Variants in BNIPL observed in about 807,000 individuals in gnomAD.
The protein encoded by BNIPL is BCL2 interacting protein like.
In BNIPL, 33 loss-of-function variants were observed where a neutral mutation model predicts 47.0. That is an observed-to-expected ratio of 0.70 (90% CI 0.53 to 0.94). The LOEUF (loss-of-function observed/expected upper bound fraction) is 0.94, where lower values mean the gene tolerates loss of function less well. Among genes scored for constraint, BNIPL ranks in the 40% least tolerant of loss-of-function variants. The pLI is 0.00. For synonymous variants in BNIPL, 145 were observed against 162.7 expected, an observed-to-expected ratio of 0.89 and a Z score of 0.83; for missense variants, 404 against 445.2, an observed-to-expected ratio of 0.91 and a Z score of 0.83.
At chr1:151,039,494 C>A (rs1675746472) in intron 4 of BNIPL, among the ~76,000 whole-genome samples, 1 of 152,060 alleles carries the variant, frequency 6.6e-6, no homozygotes. Flanking sequence ...AAAACTGAAG[C>A]TGACATTTAT....
In BNIPL at chr1:151,046,644, C is replaced by G. The variant is rs587702868; in HGVS notation, c.1038-7C>G. On this transcript the variant is annotated splice_polypyrimidine_tract_variant and splice_region_variant and intron_variant, in intron 9 of 9. Transcript: ENST00000368931. The stretch of plus-strand genomic sequence containing the variant: ...CCACTTCTCTCCTCCCCCTCTCCCT[C>G]TCCTAGGCTGGACCGGGATCTCCAT... The G allele has an allele frequency of 1.9e-6, 3 of 1,601,832 alleles. No individual in the cohort carries two copies. In the African/African-American group the frequency reaches 4.2e-5, roughly 23 times the overall value.
At chr1:151,044,212 T>C (rs942815572) in intron 7 of BNIPL, among the ~76,000 whole-genome samples, 5 of 152,198 alleles carry the variant, frequency 3.3e-5, no homozygotes, top group African/African-American at 1.2e-4. Flanking sequence ...CTCAAACTCC[T>C]GAGCTCAAGT....
intron 7 of BNIPL, among the ~76,000 whole-genome samples, chr1:151,044,328 G>C (rs936813726): frequency 2.6e-5 from 4 of 152,166 alleles, no homozygotes; most frequent in Non-Finnish European, 5.9e-5. Context: ...TTATACTTTT[G>C]CCACTGGGTA....
At chr1:151,041,479 G>A (rs587759581) in intron 4 of BNIPL, among the ~76,000 whole-genome samples, 1 of 152,252 alleles carries the variant, frequency 6.6e-6, no homozygotes, top group African/African-American at 2.4e-5. Flanking sequence ...TGTACCCATA[G>A]CCCTAGCTAC....
At position 151,037,634 on chromosome 1, in the gene BNIPL, G is replaced by A. The variant is rs1173647624; in HGVS notation, c.109G>A (p.Glu37Lys). The change falls in exon 2 of 10, where the codon GAG becomes AAG. Residue 37 changes from glutamate (E) to lysine (K), a missense_variant. Transcript: ENST00000368931. ...ALRHGELELKEEWQDEEFPRL... is the reference protein window; with the variant it reads ...ALRHGELELKKEWQDEEFPRL... ...GAGACATGGGGAGTTGGAGCTGAAG[G>A]AGGAATGGCAGGATGAAGAATTCCC... 10 of 1,604,240 alleles carry A rather than the reference G, an allele frequency of 6.2e-6. No homozygotes were observed. Among genetic ancestry groups the A allele is most frequent in the South Asian group, 5.6e-5 (5 of 89,176 alleles).
At position 151,047,569 on chromosome 1, in the gene BNIPL, C is replaced by A; in HGVS notation, c.*882C>A. On this transcript the variant is annotated 3_prime_UTR_variant, in exon 10 of 10. Transcript: ENST00000368931. ...ATTTAGAACTGTAGAGGCTAATAAA[C>A]TGCGATGAGACATTTAAGCTCTGCT... The A allele has an allele frequency of 2.1e-6, 1 of 482,006 alleles. No individual in the cohort carries two copies. 29.9% of individuals were successfully genotyped at this position (482,006 alleles called of 1,614,324 possible). A position where few individuals can be genotyped will look rare whatever the true frequency, so the allele number is the denominator to read the frequency against.
intron 4 of BNIPL, among the ~76,000 whole-genome samples, chr1:151,040,623 C>T (rs151070704): frequency 0.05 from 7,528 of 151,204 alleles, 236 homozygotes; most frequent in South Asian, 0.11. Context: ...TGGAGAAAGC[C>T]CATCTCTACT....
At chr1:151,042,499 C>T (rs746052177) in intron 4 of BNIPL, among the ~76,000 whole-genome samples, 5 of 151,976 alleles carry the variant, frequency 3.3e-5, no homozygotes, top group Admixed American at 6.6e-5. Context: ...TTTAGGGATA[C>T]GGCTAGAGTC....
At position 151,044,435 on chromosome 1, in the gene BNIPL, A is replaced by G. The variant is rs587714098; in HGVS notation, c.851+708A>G. Among the ~76,000 whole-genome samples, 3 of 152,152 alleles carry G rather than the reference A, an allele frequency of 2.0e-5. No individual in the cohort carries two copies. The South Asian group carries it at 6.2e-4, about 32-fold the overall frequency. ...CATTTATTTCCCTTTCCACACCTCC[A>G]TTATCTTCTTCTCTGCCTTCATCAC... On this transcript the variant is annotated intron_variant, in intron 7 of 9. Transcript: ENST00000368931.
In BNIPL at chr1:151,036,627, C is replaced by G. The variant is rs1675604879; in HGVS notation, c.-99C>G. On this transcript the variant is annotated 5_prime_UTR_variant, in exon 1 of 10. Transcript: ENST00000368931. ...TCCTTGGAGGCAAGAGCTACAACAG[C>G]TGAGACAGAAAAGAGGTAAGGAAGT... 2.6e-6 allele frequency: 3 copies of G among 1,140,162 alleles called. No individual in the cohort carries two copies. The South Asian group carries it at 3.7e-5, about 14-fold the overall frequency. 70.6% of individuals were successfully genotyped at this position (1,140,162 alleles called of 1,614,324 possible). A position where few individuals can be genotyped will look rare whatever the true frequency, so the allele number is the denominator to read the frequency against.
Position 151,045,758 on chromosome 1 carries a change from G to A in BNIPL, c.852-39G>A, listed in dbSNP as rs376317059. ...TTCCACGTGATCTTCACACATAAAGGTGGAAGAAGAAATAGGATGATCTCA... is the reference window on the plus strand; with the variant it reads ...TTCCACGTGATCTTCACACATAAAGATGGAAGAAGAAATAGGATGATCTCA... On this transcript the variant is annotated intron_variant, in intron 7 of 9. Transcript: ENST00000368931. The A allele has an allele frequency of 3.1e-6, 5 of 1,613,782 alleles. No homozygotes were observed. In the African/African-American group the frequency reaches 4.0e-5, roughly 13 times the overall value.
chr1:151,038,257 C>G (rs1675696928), intron 2 of BNIPL: 1 of 538,610 alleles, frequency 1.9e-6, no homozygotes, highest in African/African-American at 1.9e-5. Context: ...ACCTGTAGGC[C>G]CAGCTACTCG....
intron 4 of BNIPL, among the ~76,000 whole-genome samples, chr1:151,042,135 T>C (rs1443633802): frequency 1.3e-5 from 2 of 151,944 alleles, no homozygotes; most frequent in Admixed American, 6.6e-5. Context: ...CAGGCTAGAG[T>C]GCAGTGGTAT....
At chr1:151,045,674 T>TA (rs1471102258) in intron 7 of BNIPL, 123 bp from the exon 8 acceptor site, 1 of 1,516,020 alleles carries the variant, frequency 6.6e-7, no homozygotes, top group Non-Finnish European at 8.8e-7. Context: ...TAGACCCAAG[T>TA]ACCAGATAAA....
rs773419606 is a variant in BNIPL, at chr1:151,046,600, C to T, written c.1038-51C>T. ...CTCTCCCCAAACCAGAAAATAAAACCCAAGTCCTACCCCCTGAACCACTTC... is the reference window on the plus strand; with the variant it reads ...CTCTCCCCAAACCAGAAAATAAAACTCAAGTCCTACCCCCTGAACCACTTC... On this transcript the variant is annotated intron_variant, in intron 9 of 9. Coordinates refer to ENST00000368931, the MANE Select transcript of BNIPL (RefSeq NM_138278.4). 21 of 1,511,546 alleles carry T rather than the reference C, an allele frequency of 1.4e-5. 1 individual carries two copies. The South Asian group carries it at 2.5e-4, about 18-fold the overall frequency. 93.6% of individuals were successfully genotyped at this position (1,511,546 alleles called of 1,614,324 possible).
intron 4 of BNIPL, among the ~76,000 whole-genome samples, chr1:151,039,567 G>A (rs1675748562): frequency 6.6e-6 from 1 of 152,094 alleles, no homozygotes. Flanking sequence ...CAATAGCATG[G>A]CATGTTGGGG....
intron 7 of BNIPL, among the ~76,000 whole-genome samples, chr1:151,045,186 T>C (rs1448771649): frequency 1.4e-5 from 2 of 145,572 alleles, no homozygotes; most frequent in African/African-American, 5.2e-5. Flanking sequence ...GAGAATCACT[T>C]GAACCCGGGA....
Position 151,043,060 on chromosome 1 carries a change from G to A in BNIPL, c.538G>A (p.Val180Met), listed in dbSNP as rs1271946168. 6.2e-7 allele frequency: 1 copy of A among 1,611,546 alleles called. No individual in the cohort carries two copies. Among genetic ancestry groups the A allele is most frequent in the Admixed American group, 1.7e-5 (1 of 59,094 alleles). ...TGGAGAAGATGGACATCACTGGAGGGTGTTCCGAATGGGACCACGGGAGCA... is the reference window on the plus strand; with the variant it reads ...TGGAGAAGATGGACATCACTGGAGGATGTTCCGAATGGGACCACGGGAGCA... ...VTGEDGHHWR[V>M]FRMGPREQRV... The change falls in exon 5 of 10, where the codon GTG (valine) becomes ATG (methionine). Residue 180 changes from valine (V) to methionine (M), a missense_variant. Transcript: ENST00000368931.
Position 151,036,635 on chromosome 1 carries a change from G to A in BNIPL, c.-91G>A. The stretch of plus-strand genomic sequence containing the variant: ...GGCAAGAGCTACAACAGCTGAGACA[G>A]AAAAGAGGTAAGGAAGTGTTGGGGG... On this transcript the variant is annotated 5_prime_UTR_variant, in exon 1 of 10. Coordinates refer to ENST00000368931, the MANE Select transcript of BNIPL (RefSeq NM_138278.4). 8.3e-7 allele frequency: 1 copy of A among 1,207,366 alleles called. No individual in the cohort carries two copies. Among genetic ancestry groups the A allele is most frequent in the South Asian group, 1.2e-5 (1 of 82,394 alleles). The allele number at this position is 1,207,366 out of a possible 1,614,324, so 74.8% of individuals were successfully genotyped here. A position where few individuals can be genotyped will look rare whatever the true frequency, so the allele number is the denominator to read the frequency against.
Sources: gnomAD v4.1 joint callset for allele counts (sites outside exome capture counted in the v4.1 genomes callset) on GRCh38, gnomAD v4.1.1 for gene constraint, MANE v1.5 for transcripts, NCBI Gene and HGNC (gene_info 2026-07-23, HGNC 2026-07-21) for gene names.